PCSK5: variants seen among roughly 807,000 people sequenced by gnomAD.
The protein encoded by PCSK5 is proprotein convertase subtilisin/kexin type 5.
PCSK5 carries 129 observed loss-of-function variants against 233.2 expected under a neutral mutation model. That is an observed-to-expected ratio of 0.55 (90% CI 0.48 to 0.64). The LOEUF (loss-of-function observed/expected upper bound fraction) is 0.64. Among genes scored for constraint, PCSK5 ranks in the 30% least tolerant of loss-of-function variants. PCSK5 has a pLI of 0.00. For synonymous variants in PCSK5, 825 were observed against 879.2 expected (o/e 0.94, Z 1.09); for missense variants, 2,076 against 2,430.1 (o/e 0.85, Z 3.06).
intron 9 of PCSK5, among the ~76,000 whole-genome samples, chr9:76,107,809 A>G (rs2131681004): frequency 6.6e-6 from 1 of 152,320 alleles, no homozygotes; most frequent in Non-Finnish European, 1.5e-5. Context: ...CAACCCATTT[A>G]TATCAAATCC....
At chr9:75,906,552 A>G (rs567901215) in intron 1 of PCSK5, among the ~76,000 whole-genome samples, 19 of 152,328 alleles carry the variant, frequency 1.2e-4, no homozygotes, top group Middle Eastern at 3.4e-3. Context: ...AGAAAGCTCC[A>G]ACCACATGGT....
chr9:76,093,080 CTTTTTT>C (rs71372045), intron 7 of PCSK5, among the ~76,000 whole-genome samples: 10 of 85,678 alleles, frequency 1.2e-4, no homozygotes, highest in Non-Finnish European at 2.0e-4. Context: ...TTGTCTTTCC[CTTTTTT>C]TTTTTTTTTT....
At chr9:75,973,725 G>C (rs1825897306) in intron 2 of PCSK5, among the ~76,000 whole-genome samples, 1 of 152,192 alleles carries the variant, frequency 6.6e-6, no homozygotes, top group Admixed American at 6.5e-5. Flanking sequence ...GAGTAAAGCA[G>C]GTGCCAGAAA....
rs189452329 is a variant in PCSK5 at position 76,175,920 on chromosome 9, G to A, written c.1900+791G>A. ...TACAGTAATCCTCTTATCTCCTTGTGAACACTCTGTATGTTATTGTCTCTC... is the reference window on the plus strand; with the variant it reads ...TACAGTAATCCTCTTATCTCCTTGTAAACACTCTGTATGTTATTGTCTCTC... On this transcript the variant is annotated intron_variant, in intron 14 of 37. Coordinates refer to ENST00000674117, the MANE Select transcript of PCSK5 (RefSeq NM_001372043.1). 3.3e-5 allele frequency among the ~76,000 whole-genome samples: 5 copies of A among 151,956 alleles called. No homozygotes were observed. The East Asian group carries it at 9.7e-4, about 29-fold the overall frequency.
In PCSK5 at chr9:76,350,894, C is replaced by G; in HGVS notation, c.5033C>G (p.Ser1678Trp). 6.2e-7 allele frequency: 1 copy of G among 1,607,512 alleles called. No individual in the cohort carries two copies. The highest frequency in any genetic ancestry group is 8.5e-7 in the Non-Finnish European group (1 of 1,175,734). The change falls in exon 36 of 38, where the codon TCG becomes TGG. Residue 1678 changes from serine (S) to tryptophan (W), a missense_variant. This residue lies in a region of PCSK5 where 1,510 missense variants were observed against 1,538.1 expected (regional missense o/e 0.98). Transcript: ENST00000674117. ...CACCTCATGGGAGGGATCTGCACCT[C>G]GGACTGTCTTGTGGGGGAATACAGA... ...SYHLMGGICTSDCLVGEYRVG... is the reference protein window; with the variant it reads ...SYHLMGGICTWDCLVGEYRVG...
At chr9:76,154,467 C>T (rs1823801064) in intron 10 of PCSK5, among the ~76,000 whole-genome samples, 1 of 152,122 alleles carries the variant, frequency 6.6e-6, no homozygotes, top group South Asian at 2.1e-4. Context: ...GGAGCCAGAG[C>T]AGCTGAGTGC....
Position 76,175,146 on chromosome 9 carries a change from T to A in PCSK5, c.1900+17T>A. 6.2e-7 allele frequency: 1 copy of A among 1,610,392 alleles called. No homozygotes were observed. Among genetic ancestry groups the A allele is most frequent in the Non-Finnish European group, 8.5e-7 (1 of 1,178,860 alleles). On this transcript the variant is annotated intron_variant, in intron 14 of 37. Coordinates refer to ENST00000674117, the MANE Select transcript of PCSK5 (RefSeq NM_001372043.1). ...ATTATGCAGGTGAGCTGGCTTCCAGTGGGACACAGGCTAAAAAGAGGCAGC... is the reference window on the plus strand; with the variant it reads ...ATTATGCAGGTGAGCTGGCTTCCAGAGGGACACAGGCTAAAAAGAGGCAGC...
At chr9:76,227,651 G>T (rs749275116) in intron 21 of PCSK5, 46 bp downstream of exon 21, 1 of 1,254,704 alleles carries the variant, frequency 8.0e-7, no homozygotes, top group Non-Finnish European at 1.2e-6. Flanking sequence ...CTCATGGATT[G>T]CAGGGTGGAG....
intron 3 of PCSK5, among the ~76,000 whole-genome samples, chr9:76,018,260 A>G (rs563556551): frequency 6.6e-6 from 1 of 152,322 alleles, no homozygotes; most frequent in African/African-American, 2.4e-5. Flanking sequence ...AAAACTAGCC[A>G]TGATGTGAGT....
intron 20 of PCSK5, among the ~76,000 whole-genome samples, chr9:76,219,489 G>A (rs1277349109): frequency 6.6e-6 from 1 of 152,178 alleles, no homozygotes; most frequent in Non-Finnish European, 1.5e-5. Context: ...GAACATTTGG[G>A]TGGTATTAAG....
chr9:76,217,756 G>C (rs1372473196), intron 20 of PCSK5, among the ~76,000 whole-genome samples: 1 of 152,196 alleles, frequency 6.6e-6, no homozygotes, highest in Non-Finnish European at 1.5e-5. Context: ...GAACCAGTGA[G>C]GTTCTAGTCC....
intron 24 of PCSK5, among the ~76,000 whole-genome samples, chr9:76,247,924 A>G (rs903623910): frequency 3.3e-5 from 5 of 151,966 alleles, no homozygotes; most frequent in East Asian, 1.9e-4. Context: ...AGCTGGGATT[A>G]CAGGCACCTG....
intron 1 of PCSK5, among the ~76,000 whole-genome samples, chr9:75,920,527 G>A (rs1163965550): frequency 9.2e-5 from 14 of 152,098 alleles, no homozygotes; most frequent in Admixed American, 8.5e-4. Context: ...GCTCAAGGCT[G>A]GGTGGTATGG....
chr9:76,208,295 C>T (rs897351297), intron 20 of PCSK5, among the ~76,000 whole-genome samples: 1 of 152,152 alleles, frequency 6.6e-6, no homozygotes, highest in Non-Finnish European at 1.5e-5. Flanking sequence ...GGTCTGACTG[C>T]AATGACCCTG....
intron 11 of PCSK5, 135 bp downstream of exon 11, chr9:76,157,297 G>C (rs1402229913): frequency 3.1e-6 from 2 of 640,850 alleles, no homozygotes; most frequent in Non-Finnish European, 5.6e-6. Context: ...CTATGAAATG[G>C]TAATAGAACG....
At chr9:76,095,721 A>G (rs1831482083) in intron 7 of PCSK5, among the ~76,000 whole-genome samples, 169 bp from the exon 8 acceptor site, 1 of 152,132 alleles carries the variant, frequency 6.6e-6, no homozygotes, top group African/African-American at 2.4e-5. Flanking sequence ...TGACCGTTTT[A>G]GTCTATAAAA....
intron 7 of PCSK5, among the ~76,000 whole-genome samples, chr9:76,093,398 A>G (rs1831379916): frequency 6.6e-6 from 1 of 152,052 alleles, no homozygotes. Context: ...CCCAGTCTAC[A>G]CATTGTTTCC....
chr9:76,347,776 A>ACG (rs1587362162), intron 35 of PCSK5, among the ~76,000 whole-genome samples: 1 of 117,964 alleles, frequency 8.5e-6, no homozygotes, highest in East Asian at 3.0e-4. Flanking sequence ...AAAAAAAAAA[A>ACG]AAAGAAAGAA....
At chr9:76,079,119 G>A (rs1359970136) in intron 7 of PCSK5, among the ~76,000 whole-genome samples, 1 of 150,684 alleles carries the variant, frequency 6.6e-6, no homozygotes, top group African/African-American at 2.4e-5. Flanking sequence ...TTTTTAAATC[G>A]AGATGGAGTT....
Sources: allele counts gnomAD v4.1 joint callset (sites outside exome capture counted in the v4.1 genomes callset), GRCh38; gene constraint gnomAD v4.1.1; regional missense constraint gnomAD v4.1.1; transcripts MANE v1.5; gene names NCBI Gene and HGNC (gene_info 2026-07-23, HGNC 2026-07-21).